TRMT9B: variants seen among roughly 807,000 people sequenced by gnomAD.
TRMT9B encodes tRNA methyltransferase 9B (putative), also known as probable tRNA methyltransferase 9B.
In TRMT9B, 16 loss-of-function variants were observed where a neutral mutation model predicts 11.5. The ratio of observed to expected loss-of-function variants is 1.39; its 90% confidence interval spans 0.94 to 2.11. The LOEUF is 2.11. Among genes scored for constraint, TRMT9B ranks in the 30% most tolerant of loss-of-function variants. The pLI is 0.00. For synonymous variants in TRMT9B, 274 were observed against 192.4 expected, an observed-to-expected ratio of 1.42 and a Z score of -3.51; for missense variants, 941 against 553.8, an observed-to-expected ratio of 1.70 and a Z score of -7.02.
chr8:12,975,257 T>C (rs781054242), intron 1 of TRMT9B, among the ~76,000 whole-genome samples: 1 of 152,110 alleles, frequency 6.6e-6, no homozygotes, highest in Non-Finnish European at 1.5e-5. Context: ...GTAGATTTGC[T>C]GGTATAAGCC....
intron 1 of TRMT9B, among the ~76,000 whole-genome samples, chr8:12,973,836 C>A (rs1480491587): frequency 6.6e-6 from 1 of 152,128 alleles, no homozygotes; most frequent in African/African-American, 2.4e-5. Flanking sequence ...CCAGAGATCA[C>A]TGAACTCAGT....
intron 2 of TRMT9B, among the ~76,000 whole-genome samples, chr8:12,996,979 T>G (rs1432264587): frequency 8.5e-6 from 1 of 118,218 alleles, no homozygotes; most frequent in African/African-American, 3.4e-5. Flanking sequence ...TATTTTATTT[T>G]ATTTTATTTT....
chr8:13,014,578 T>C (rs915150510), intron 4 of TRMT9B, among the ~76,000 whole-genome samples: 1 of 152,160 alleles, frequency 6.6e-6, no homozygotes, highest in African/African-American at 2.4e-5. Context: ...CTAAACCTCC[T>C]AAAGTTCTGC....
At chr8:13,017,836 C>G (rs1333172607) in intron 4 of TRMT9B, among the ~76,000 whole-genome samples, 3 of 151,426 alleles carry the variant, frequency 2.0e-5, no homozygotes, top group Non-Finnish European at 4.4e-5. Context: ...GTTGCCCAGG[C>G]TGGTCTTGAA....
At chr8:13,012,652 G>A (rs778338690) in intron 3 of TRMT9B, 32 bp from the exon 4 acceptor site, 3 of 1,581,482 alleles carry the variant, frequency 1.9e-6, no homozygotes, top group East Asian at 2.3e-5. Context: ...TTCCATTGAG[G>A]ATAGCATGTA....
chr8:13,002,793 A>C (rs752115701), intron 2 of TRMT9B, among the ~76,000 whole-genome samples: 1 of 152,186 alleles, frequency 6.6e-6, no homozygotes, highest in Non-Finnish European at 1.5e-5. Context: ...CTCTCTCCAT[A>C]CAGGGAAGAC....
intron 1 of TRMT9B, among the ~76,000 whole-genome samples, chr8:12,950,103 C>T (rs559991107): frequency 6.6e-6 from 1 of 152,342 alleles, no homozygotes; most frequent in African/African-American, 2.4e-5. Context: ...ATCCTCCCAC[C>T]TCAGCCTCCC....
chr8:13,001,155 G>T (rs1466422926), intron 2 of TRMT9B, among the ~76,000 whole-genome samples: 1 of 152,124 alleles, frequency 6.6e-6, no homozygotes, highest in Non-Finnish European at 1.5e-5. Context: ...ATCCATATGT[G>T]CATGGCTAAA....
chr8:12,964,784 G>T (rs1424079966), intron 1 of TRMT9B, among the ~76,000 whole-genome samples: 2 of 151,960 alleles, frequency 1.3e-5, no homozygotes, highest in Non-Finnish European at 2.9e-5. Flanking sequence ...TAAAGATGGG[G>T]TGTCACTACG....
intron 1 of TRMT9B, among the ~76,000 whole-genome samples, chr8:12,950,882 C>G (rs1800553346): frequency 6.6e-6 from 1 of 152,184 alleles, no homozygotes; most frequent in South Asian, 2.1e-4. Context: ...GACATGAACT[C>G]TGCCCCCTAC....
chr8:12,965,915 A>G (rs528887469), intron 1 of TRMT9B, among the ~76,000 whole-genome samples: 69 of 151,856 alleles, frequency 4.5e-4, no homozygotes, highest in Admixed American at 1.0e-3. Flanking sequence ...CGGGAGGCTG[A>G]GGCAGGAGAA....
At chr8:12,952,517 T>C (rs900224599) in intron 1 of TRMT9B, 2 of 163,386 alleles carry the variant, frequency 1.2e-5, no homozygotes, top group African/African-American at 2.4e-5. Context: ...AATTCAGAGA[T>C]AAAGGACATG....
At chr8:12,980,981 T>C (rs1805276121) in intron 1 of TRMT9B, among the ~76,000 whole-genome samples, 1 of 152,166 alleles carries the variant, frequency 6.6e-6, no homozygotes, top group African/African-American at 2.4e-5. Context: ...TTCTCCATGA[T>C]AGAAGCAACA....
chr8:13,010,796 C>G, intron 3 of TRMT9B: 4 of 983,092 alleles, frequency 4.1e-6, no homozygotes, highest in Non-Finnish European at 4.8e-6. Flanking sequence ...GGACCATCGT[C>G]TTTTGAAATA....
In TRMT9B at chr8:13,029,450, T is replaced by C. The variant is rs1815113180; in HGVS notation, c.*7406T>C. 2 of 167,046 alleles carry C rather than the reference T, an allele frequency of 1.2e-5. No homozygotes were observed. Among genetic ancestry groups the C allele is most frequent in the Admixed American group, 6.5e-5 (1 of 15,290 alleles). The allele number at this position is 167,046 out of a possible 1,614,324, so 10.3% of individuals were successfully genotyped here. ...TCAGGATCTTTTTGTAGTAAGTATATTTTAAATGGTGTAATTTGTGTGTTT... is the reference window on the plus strand; with the variant it reads ...TCAGGATCTTTTTGTAGTAAGTATACTTTAAATGGTGTAATTTGTGTGTTT... On this transcript the variant is annotated 3_prime_UTR_variant, in exon 5 of 5. Coordinates refer to ENST00000524591, the MANE Select transcript of TRMT9B (RefSeq NM_020844.3).
intron 1 of TRMT9B, among the ~76,000 whole-genome samples, chr8:12,963,474 A>G (rs920782357): frequency 2.6e-5 from 4 of 151,936 alleles, no homozygotes; most frequent in Admixed American, 2.0e-4. Context: ...TACTGACAGG[A>G]CACAGTGGCT....
At chr8:12,975,716 C>T (rs978462809) in intron 1 of TRMT9B, among the ~76,000 whole-genome samples, 5 of 150,884 alleles carry the variant, frequency 3.3e-5, no homozygotes, top group Non-Finnish European at 5.9e-5. Context: ...CCAGTGTGGG[C>T]GACAGAGCAA....
chr8:12,956,535 T>G (rs1461645875), intron 1 of TRMT9B, among the ~76,000 whole-genome samples: 1 of 152,232 alleles, frequency 6.6e-6, no homozygotes, highest in African/African-American at 2.4e-5. Flanking sequence ...AGGTAAAATA[T>G]TAGGAAAATG....
intron 1 of TRMT9B, among the ~76,000 whole-genome samples, chr8:12,957,930 T>C (rs1046551621): frequency 6.6e-6 from 1 of 152,194 alleles, no homozygotes; most frequent in Non-Finnish European, 1.5e-5. Flanking sequence ...TCCATACCCA[T>C]TAAACCATAA....
Sources: allele counts gnomAD v4.1 joint callset (sites outside exome capture counted in the v4.1 genomes callset), GRCh38; gene constraint gnomAD v4.1.1; transcripts MANE v1.5; gene names NCBI Gene and HGNC (gene_info 2026-07-23, HGNC 2026-07-21).